The following DBN1 variants were observed in gnomAD, a reference collection of about 807,000 sequenced individuals.
The protein encoded by DBN1 is drebrin.
In DBN1, 21 loss-of-function variants were observed where a neutral mutation model predicts 83.5. The ratio of observed to expected loss-of-function variants is 0.25; its 90% confidence interval spans 0.18 to 0.36. The LOEUF is 0.36. Among genes scored for constraint, DBN1 ranks in the 10% least tolerant of loss-of-function variants. The probability of loss-of-function intolerance (pLI) is 1.00; values close to 1 mark genes in which losing one functional copy is unlikely to be tolerated. For missense variants in DBN1, 874 were observed against 935.7 expected, an observed-to-expected ratio of 0.93 and a Z score of 0.86; for synonymous variants, 381 against 384.9, an observed-to-expected ratio of 0.99 and a Z score of 0.12.
Position 177,467,693 on chromosome 5 carries a change from G to A in DBN1, c.330+50C>T, listed in dbSNP as rs781520886. On this transcript the variant is annotated intron_variant, in intron 4 of 14. Transcript: ENST00000393565. This position sits in a 1 kb window ranked among gnomAD's most constrained non-coding sequence, Gnocchi z 9.1. ...CCCGCCATCCCCACCCCAGCACGCA[G>A]ACCCTGGTGGCTGTCCCCACCCCCA... is the stretch of plus-strand genomic sequence containing the variant. 1.3e-6 allele frequency: 2 copies of A among 1,553,368 alleles called. No individual in the cohort carries two copies. The highest frequency in any genetic ancestry group is 1.7e-6 in the Non-Finnish European group (2 of 1,148,322).
intron 8 of DBN1, among the ~76,000 whole-genome samples, chr5:177,464,756 AT>A (rs1298814391): frequency 6.6e-6 from 1 of 152,124 alleles, no homozygotes; most frequent in African/African-American, 2.4e-5. Flanking sequence ...CTTGGCCAAC[AT>A]GGTGAAACCC....
At chr5:177,462,560 G>A (rs534224807) in intron 8 of DBN1, 3 of 262,918 alleles carry the variant, frequency 1.1e-5, no homozygotes, top group East Asian at 1.8e-4. Context: ...GATGAGGACC[G>A]GGGTCTCCGG....
At position 177,473,579 on chromosome 5, in the gene DBN1, A is replaced by AG; in HGVS notation, c.-59dup. The stretch of plus-strand genomic sequence containing the variant: ...GCGCGGACGGACGGGCGGACGGAGG[A>AG]GGAGGGAGGGAAAGAGGGAGTCGCC... On this transcript the variant is annotated 5_prime_UTR_variant, in exon 1 of 15. Coordinates refer to ENST00000393565, the MANE Select transcript of DBN1 (RefSeq NM_001363541.2). 1 of 1,025,640 alleles carries AG rather than the reference A, an allele frequency of 9.8e-7. No homozygotes were observed. The highest frequency in any genetic ancestry group is 4.3e-5 in the Admixed American group (1 of 23,446). The allele number at this position is 1,025,640 out of a possible 1,614,324, so 63.5% of individuals were successfully genotyped here. A position where few individuals can be genotyped will look rare whatever the true frequency, so the allele number is the denominator to read the frequency against.
Position 177,460,525 on chromosome 5 carries a change from C to G in DBN1, c.862G>C (p.Asp288His). ...EAAAIIAQRP[D>H]NPREFFKQQE... is the part of the protein sequence containing the mutation. Reference sequence around the variant, plus strand: ...TGCTTGAAGAACTCCCTTGGGTTGTCAGGCCGCTGGGCAATAATAGCTGCT... The same window carrying G: ...TGCTTGAAGAACTCCCTTGGGTTGTGAGGCCGCTGGGCAATAATAGCTGCT... Residue 288 changes from aspartate to histidine, a missense_variant, in exon 10 of 15, where the codon GAC becomes CAC. Coordinates refer to ENST00000393565, the MANE Select transcript of DBN1 (RefSeq NM_001363541.2). 6.2e-7 allele frequency: 1 copy of G among 1,614,180 alleles called. No individual in the cohort carries two copies. The highest frequency in any genetic ancestry group is 8.5e-7 in the Non-Finnish European group (1 of 1,180,022).
Position 177,468,404 on chromosome 5 carries a change from A to G in DBN1, c.143-184T>C, listed in dbSNP as rs71601366. On this transcript the variant is annotated intron_variant, in intron 2 of 14. Coordinates refer to ENST00000393565, the MANE Select transcript of DBN1 (RefSeq NM_001363541.2). ...TGGGGGTGGTGGCGCACAGGGATGT[A>G]GCTTTGCCTGTGACTCCTGCAGGGC... The G allele has an allele frequency of 1.7e-3, 1,026 of 602,974 alleles. 1 individual carries two copies. Among genetic ancestry groups the G allele is most frequent in the Non-Finnish European group, 2.5e-3 (859 of 339,204 alleles). 37.4% of individuals were successfully genotyped at this position (602,974 alleles called of 1,614,324 possible).
intron 8 of DBN1, among the ~76,000 whole-genome samples, chr5:177,462,030 G>A (rs1403417984): frequency 2.0e-5 from 3 of 152,134 alleles, no homozygotes; most frequent in South Asian, 2.1e-4. Context: ...CCGGGGCCTC[G>A]CCGCAGCCCC....
At chr5:177,472,076 C>A in intron 1 of DBN1, 1 of 1,585,330 alleles carries the variant, frequency 6.3e-7, no homozygotes, top group Admixed American at 1.8e-5. Flanking sequence ...AATGGGTGGG[C>A]CGCCTGCCTG....
rs752157474 is a variant in DBN1 at position 177,468,878 on chromosome 5, A to T, written c.108T>A (p.Asp36Glu). ...AADWALYTYE[D>E]GSDDLKLAAS... Reference sequence around the variant, plus strand: ...CTGCAAGCTTGAGGTCATCGGAGCCATCTTCATATGTGTACAGAGCCCTGG... The same window carrying T: ...CTGCAAGCTTGAGGTCATCGGAGCCTTCTTCATATGTGTACAGAGCCCTGG... The change falls in exon 2 of 15, where the codon GAT (aspartate) becomes GAA (glutamate). Residue 36 changes from aspartate to glutamate, a missense_variant. Transcript: ENST00000393565. 5 of 1,320,776 alleles carry T rather than the reference A, an allele frequency of 3.8e-6. No individual in the cohort carries two copies. The South Asian group carries it at 1.5e-4, about 40-fold the overall frequency. The allele number at this position is 1,320,776 out of a possible 1,614,324, so 81.8% of individuals were successfully genotyped here. A position where few individuals can be genotyped will look rare whatever the true frequency, so the allele number is the denominator to read the frequency against.
chr5:177,458,473 T>G lies in DBN1; in HGVS notation c.1499A>C (p.Glu500Ala), dbSNP rs760650468. 2 of 1,613,758 alleles carry G rather than the reference T, an allele frequency of 1.2e-6. No individual in the cohort carries two copies. The highest frequency in any genetic ancestry group is 2.2e-5 in the South Asian group (2 of 91,080). The change falls in exon 13 of 15, where the codon GAA becomes GCA. Residue 500 changes from glutamate to alanine, a missense_variant. Transcript: ENST00000393565. ...TEIHDAADTI[E>A]TDTATADTTV... ...GGTGTCAGCAGTGGCAGTGTCAGTTTCAATGGTGTCAGCTGCATCGTGGAT... is the reference window on the plus strand; with the variant it reads ...GGTGTCAGCAGTGGCAGTGTCAGTTGCAATGGTGTCAGCTGCATCGTGGAT...
rs374891818 is a variant in DBN1, at chr5:177,467,484, G to A, written c.474C>T (p.Pro158=). The change falls in exon 5 of 15, where the codon CCC becomes CCT. Residue 158 remains proline, a synonymous_variant. Transcript: ENST00000393565. The surrounding 1 kb of genome is among the most constrained non-coding windows in gnomAD (Gnocchi z 9.1). ...CGGGTGCCAAACACACACTAACCAC[G>A]GGCTCTGCGTTCTCATCCTCTCGCA... ...LRLREDENAE[P]VGTTYQKTDA... 5.6e-6 allele frequency: 9 copies of A among 1,594,816 alleles called. No individual in the cohort carries two copies. Among genetic ancestry groups the A allele is most frequent in the South Asian group, 1.1e-5 (1 of 89,740 alleles).
At chr5:177,472,353 C>T in intron 1 of DBN1, 1 of 1,490,536 alleles carries the variant, frequency 6.7e-7, no homozygotes, top group South Asian at 1.4e-5. Context: ...CTGTTCCCAT[C>T]TGCCAGCAGG....
chr5:177,467,199 T>C lies in DBN1; in HGVS notation c.555+56A>G. 6.2e-7 allele frequency: 1 copy of C among 1,602,372 alleles called. No homozygotes were observed. The highest frequency in any genetic ancestry group is 2.2e-5 in the East Asian group (1 of 44,786). ...GCCACTGCAGTGAGGGACTCAGACC[T>C]GCCCCATGGGGTCCATGAGGGGTGG... is the stretch of plus-strand genomic sequence containing the variant. On this transcript the variant is annotated intron_variant, in intron 6 of 14. Coordinates refer to ENST00000393565, the MANE Select transcript of DBN1 (RefSeq NM_001363541.2). This position sits in a 1 kb window ranked among gnomAD's most constrained non-coding sequence, Gnocchi z 9.1.
chr5:177,464,193 A>C (rs1006558608), intron 8 of DBN1, among the ~76,000 whole-genome samples: 1 of 151,278 alleles, frequency 6.6e-6, no homozygotes, highest in African/African-American at 2.4e-5. Flanking sequence ...CACGCCTGTA[A>C]TTCCAGGACT....
At chr5:177,472,521 C>G (rs1757924724) in intron 1 of DBN1, 1 of 800,844 alleles carries the variant, frequency 1.2e-6, no homozygotes, top group Non-Finnish European at 1.7e-6. Flanking sequence ...TCCCCTCCCC[C>G]AGCTCAGCGG....
In DBN1 at chr5:177,459,887, C is replaced by A. The variant is rs370914620; in HGVS notation, c.956-147G>T. ...CAGGGGCACAATCAGCCAAGCCAGC[C>A]GCAGCCTCACACCAGCCCCAGACAC... On this transcript the variant is annotated intron_variant, in intron 10 of 14. Coordinates refer to ENST00000393565, the MANE Select transcript of DBN1 (RefSeq NM_001363541.2). 4 of 886,786 alleles carry A rather than the reference C, an allele frequency of 4.5e-6. No homozygotes were observed. The East Asian group carries it at 1.1e-4, about 25-fold the overall frequency. The allele number at this position is 886,786 out of a possible 1,614,324, so 54.9% of individuals were successfully genotyped here.
chr5:177,463,316 C>G (rs1453004335), intron 8 of DBN1, among the ~76,000 whole-genome samples: 1 of 152,208 alleles, frequency 6.6e-6, no homozygotes. Context: ...GGATTACAGG[C>G]ATGAGCCACT....
intron 1 of DBN1, among the ~76,000 whole-genome samples, chr5:177,471,259 G>C (rs146293350): frequency 6.6e-6 from 1 of 152,080 alleles, no homozygotes; most frequent in Non-Finnish European, 1.5e-5. Context: ...TTCAGTATCC[G>C]AGGTAGTGCT....
rs1204756950 is a variant in DBN1 at position 177,460,628 on chromosome 5, T to C, written c.831+16A>G. 1 of 1,614,158 alleles carries C rather than the reference T, an allele frequency of 6.2e-7. No homozygotes were observed. ...AGCCCTGTCTGCCTCACCTGGCTGGTGCCCCCAGCTCTCACCTCCACCTCC... is the reference window on the plus strand; with the variant it reads ...AGCCCTGTCTGCCTCACCTGGCTGGCGCCCCCAGCTCTCACCTCCACCTCC... On this transcript the variant is annotated intron_variant, in intron 9 of 14. Transcript: ENST00000393565.
chr5:177,472,343 C>G, intron 1 of DBN1: 7 of 1,496,696 alleles, frequency 4.7e-6, no homozygotes, highest in Admixed American at 2.6e-5. Context: ...CAAGAAGAAC[C>G]TGTTCCCATC....
Sources: gnomAD v4.1 joint callset for allele counts (sites outside exome capture counted in the v4.1 genomes callset) on GRCh38, gnomAD v4.1.1 for gene constraint, Gnocchi (gnomAD v3.1) non-coding constraint, MANE v1.5 for transcripts, NCBI Gene and HGNC (gene_info 2026-07-23, HGNC 2026-07-21) for gene names.